CTNNA1: variants seen among roughly 807,000 people sequenced by gnomAD.
CTNNA1 encodes the protein catenin alpha-1.
Under a neutral mutation model 98.4 loss-of-function variants are expected in CTNNA1, and 37 were observed. The ratio of observed to expected loss-of-function variants is 0.38; its 90% CI spans 0.29 to 0.49. CTNNA1 has a LOEUF of 0.49. Among genes scored for constraint, CTNNA1 ranks in the 20% least tolerant of loss-of-function variants. The pLI, the probability that CTNNA1 is intolerant of heterozygous loss-of-function variation, is 0.95. For synonymous variants in CTNNA1, 404 were observed against 413.2 expected (o/e 0.98, Z 0.27); for missense variants, 761 against 1,147.2 (o/e 0.66, Z 4.86).
chr5:138,886,433 G>A, intron 8 of CTNNA1, 141 bp downstream of exon 8: 1 of 854,822 alleles, frequency 1.2e-6, no homozygotes, highest in Non-Finnish European at 1.8e-6. Context: ...TCTTTGTTTT[G>A]TTGCTAATAT....
intron 5 of CTNNA1, among the ~76,000 whole-genome samples, chr5:138,814,534 A>G (rs966869315): frequency 1.3e-5 from 2 of 152,200 alleles, no homozygotes; most frequent in Non-Finnish European, 2.9e-5. Context: ...TACATTCACA[A>G]TTTATTTTAA....
At chr5:138,880,510 C>A (rs1449502175) in intron 7 of CTNNA1, among the ~76,000 whole-genome samples, 3 of 152,194 alleles carry the variant, frequency 2.0e-5, no homozygotes, top group African/African-American at 4.8e-5. Flanking sequence ...TTTTAAAACT[C>A]TTCTTCTGCT....
At chr5:138,843,372 T>C (rs1200229570) in intron 7 of CTNNA1, among the ~76,000 whole-genome samples, 1 of 152,078 alleles carries the variant, frequency 6.6e-6, no homozygotes, top group African/African-American at 2.4e-5. Flanking sequence ...GTTGAGTAGG[T>C]GTTAGCATGT....
chr5:138,932,679 G>A lies in CTNNA1; in HGVS notation c.2400G>A (p.Val800=), dbSNP rs1370483870. The change falls in exon 17 of 18, where the codon GTG becomes GTA. Residue 800 remains valine (V), a synonymous_variant. Transcript: ENST00000302763. ...TCTGCAGCAAGGTCAAGGCCGAGGT[G>A]CAGAATCTCGGCGGGGAGCTTGTTG... The part of the protein sequence containing the change: ...LNICSKVKAE[V]QNLGGELVVS... The A allele has an allele frequency of 1.2e-6, 2 of 1,614,112 alleles. No individual in the cohort carries two copies. The highest frequency in any genetic ancestry group is 1.7e-6 in the Non-Finnish European group (2 of 1,180,048).
chr5:138,920,302 G>A (rs757548420), intron 11 of CTNNA1, among the ~76,000 whole-genome samples: 4 of 152,074 alleles, frequency 2.6e-5, no homozygotes, highest in Non-Finnish European at 5.9e-5. Flanking sequence ...TTTTTATTTC[G>A]GGGGACTAGA....
chr5:138,932,481 A>C, intron 16 of CTNNA1, 97 bp from the exon 17 acceptor site: 3 of 1,523,658 alleles, frequency 2.0e-6, no homozygotes, highest in Non-Finnish European at 2.7e-6. Context: ...GAGAGGAAGC[A>C]TGTGAGTGCC....
intron 7 of CTNNA1, among the ~76,000 whole-genome samples, chr5:138,854,055 A>G (rs915965100): frequency 2.0e-5 from 3 of 152,224 alleles, no homozygotes; most frequent in African/African-American, 7.2e-5. Flanking sequence ...TTCCTGCTAT[A>G]GCATTCTATG....
chr5:138,756,122 C>T (rs1398764724), intron 1 of CTNNA1, among the ~76,000 whole-genome samples: 1 of 151,682 alleles, frequency 6.6e-6, no homozygotes, highest in Non-Finnish European at 1.5e-5. Flanking sequence ...CACTGCAACC[C>T]GTGCCTCCTG....
chr5:138,864,566 G>A (rs1764564736), intron 7 of CTNNA1, among the ~76,000 whole-genome samples: 1 of 152,124 alleles, frequency 6.6e-6, no homozygotes, highest in African/African-American at 2.4e-5. Context: ...TTGCTTTAAA[G>A]TTAAGCTGTA....
chr5:138,900,429 C>T (rs1337860198), intron 9 of CTNNA1, among the ~76,000 whole-genome samples: 1 of 152,076 alleles, frequency 6.6e-6, no homozygotes, highest in East Asian at 1.9e-4. Flanking sequence ...GAAATCTTAT[C>T]TTGTCTTCCT....
intron 7 of CTNNA1, among the ~76,000 whole-genome samples, chr5:138,881,689 T>C (rs1468068721): frequency 6.6e-6 from 1 of 152,198 alleles, no homozygotes; most frequent in Admixed American, 6.5e-5. Context: ...CAGTTCTCTT[T>C]TTTATTGTCT....
intron 7 of CTNNA1, 48 bp downstream of exon 7, chr5:138,827,766 G>A (rs1760865440): frequency 1.9e-6 from 3 of 1,603,198 alleles, no homozygotes; most frequent in Non-Finnish European, 2.6e-6. Flanking sequence ...TGGATGAGGA[G>A]TTTTCTATAA....
At chr5:138,919,681 C>T (rs891171108) in intron 11 of CTNNA1, among the ~76,000 whole-genome samples, 6 of 152,162 alleles carry the variant, frequency 3.9e-5, no homozygotes, top group Non-Finnish European at 5.9e-5. Flanking sequence ...CAAATAAAAT[C>T]ATGGAACAAT....
At chr5:138,903,605 T>C (rs140607994) in intron 9 of CTNNA1, among the ~76,000 whole-genome samples, 2 of 152,326 alleles carry the variant, frequency 1.3e-5, no homozygotes, top group African/African-American at 4.8e-5. Context: ...CCTGGAAAGA[T>C]TGTTCCTGGC....
At chr5:138,864,834 A>G (rs1330120590) in intron 7 of CTNNA1, among the ~76,000 whole-genome samples, 1 of 151,678 alleles carries the variant, frequency 6.6e-6, no homozygotes, top group Non-Finnish European at 1.5e-5. Context: ...TTGTTTTTGG[A>G]GAGGGAGTCT....
chr5:138,855,992 A>T lies in CTNNA1; in HGVS notation c.1062+28274A>T, dbSNP rs570679618. 2.9e-3 allele frequency among the ~76,000 whole-genome samples: 436 copies of T among 152,354 alleles called. 2 individuals carry two copies. Among genetic ancestry groups the T allele is most frequent in the African/African-American group, 9.3e-3 (388 of 41,578 alleles). On this transcript the variant is annotated intron_variant, in intron 7 of 17. Coordinates refer to ENST00000302763, the MANE Select transcript of CTNNA1 (RefSeq NM_001903.5). ...CCCTGGAGAGGAAACTAGGGACATTATAGAGTTAATTTTGGGTAGAGAATG... is the reference window on the plus strand; with the variant it reads ...CCCTGGAGAGGAAACTAGGGACATTTTAGAGTTAATTTTGGGTAGAGAATG...
chr5:138,811,918 G>A, intron 4 of CTNNA1: 1 of 326,774 alleles, frequency 3.1e-6, no homozygotes, highest in Non-Finnish European at 5.8e-6. Context: ...GGAAAGAGAG[G>A]GAGAGGGAGA....
chr5:138,768,002 C>T (rs1051547967), intron 1 of CTNNA1, among the ~76,000 whole-genome samples: 5 of 152,206 alleles, frequency 3.3e-5, no homozygotes, highest in Non-Finnish European at 7.4e-5. Flanking sequence ...TTAACAAGAT[C>T]CGCAGAAGTA....
chr5:138,770,396 T>C (rs1324716080), intron 1 of CTNNA1, among the ~76,000 whole-genome samples: 1 of 152,198 alleles, frequency 6.6e-6, no homozygotes, highest in South Asian at 2.1e-4. Context: ...TCAACTATAA[T>C]ACGATGGAAG....
Sources: gnomAD v4.1 joint callset for allele counts (sites outside exome capture counted in the v4.1 genomes callset) on GRCh38, gnomAD v4.1.1 for gene constraint, MANE v1.5 for transcripts, NCBI Gene and HGNC (gene_info 2026-07-23, HGNC 2026-07-21) for gene names.